RUNDC3B: variants seen among roughly 807,000 people sequenced by gnomAD.
RUNDC3B encodes RUN domain-containing protein 3B.
Under a neutral mutation model 58.4 loss-of-function variants are expected in RUNDC3B, and 33 were observed. The observed-to-expected ratio is 0.56, with a 90% CI of 0.43 to 0.75. The LOEUF (loss-of-function observed/expected upper bound fraction) is 0.75. Ranked by LOEUF, RUNDC3B falls within the 30% of genes least tolerant of loss-of-function variation. The probability of loss-of-function intolerance (pLI) is 0.00; values close to 1 mark genes in which losing one functional copy is unlikely to be tolerated. For missense variants in RUNDC3B, 501 were observed against 535.7 expected (o/e 0.94, Z 0.64); for synonymous variants, 193 against 195.2 (o/e 0.99, Z 0.10).
intron 2 of RUNDC3B, chr7:87,693,986 C>T (rs1273492495): frequency 3.1e-6 from 5 of 1,610,654 alleles, no homozygotes; most frequent in Non-Finnish European, 4.2e-6. Context: ...TGTCTCCCGC[C>T]ACTGAGCTGC....
At chr7:87,663,111 A>T in intron 2 of RUNDC3B, among the ~76,000 whole-genome samples, 1 of 152,090 alleles carries the variant, frequency 6.6e-6, no homozygotes, top group Non-Finnish European at 1.5e-5. Flanking sequence ...ACTTTACTGA[A>T]TTTGTTTATC....
chr7:87,663,393 A>C (rs1477021266), intron 2 of RUNDC3B, among the ~76,000 whole-genome samples: 1 of 151,142 alleles, frequency 6.6e-6, no homozygotes, highest in Non-Finnish European at 1.5e-5. Context: ...TTTTCTCTCT[A>C]TTTCCATCTA....
At chr7:87,735,879 C>T (rs1037229162) in intron 4 of RUNDC3B, among the ~76,000 whole-genome samples, 1 of 152,206 alleles carries the variant, frequency 6.6e-6, no homozygotes, top group Non-Finnish European at 1.5e-5. Context: ...AGACTATATG[C>T]TTCATAGAGA....
chr7:87,699,394 TTCAGAG>T (rs1415898155), intron 2 of RUNDC3B, among the ~76,000 whole-genome samples: 1 of 152,102 alleles, frequency 6.6e-6, no homozygotes, highest in Non-Finnish European at 1.5e-5. Flanking sequence ...GAGACTAATA[TTCAGAG>T]TCCTGTATAG....
At chr7:87,646,892 G>A (rs757085944) in intron 1 of RUNDC3B, among the ~76,000 whole-genome samples, 3 of 152,016 alleles carry the variant, frequency 2.0e-5, no homozygotes, top group Admixed American at 6.6e-5. Context: ...TTGACTATCC[G>A]TTAGGTACAA....
At chr7:87,672,078 G>A (rs1179220236) in intron 2 of RUNDC3B, among the ~76,000 whole-genome samples, 1 of 152,050 alleles carries the variant, frequency 6.6e-6, no homozygotes, top group Non-Finnish European at 1.5e-5. Context: ...CCAAAGATGG[G>A]AATGACTGAG....
intron 6 of RUNDC3B, among the ~76,000 whole-genome samples, chr7:87,762,413 T>C (rs1043574996): frequency 2.6e-5 from 4 of 151,452 alleles, no homozygotes; most frequent in African/African-American, 9.7e-5. Context: ...GAATTTTACA[T>C]CTATATGTGT....
At chr7:87,816,103 A>G in intron 9 of RUNDC3B, 38 bp from the exon 10 acceptor site, 1 of 1,464,346 alleles carries the variant, frequency 6.8e-7, no homozygotes. Context: ...TTTTTTTGTG[A>G]AAAGAAATTC....
chr7:87,662,414 G>T (rs1458133981), intron 2 of RUNDC3B, among the ~76,000 whole-genome samples: 3 of 151,974 alleles, frequency 2.0e-5, no homozygotes, highest in African/African-American at 7.2e-5. Flanking sequence ...AATCCATTTT[G>T]ATTTGATTTT....
intron 2 of RUNDC3B, among the ~76,000 whole-genome samples, chr7:87,659,478 C>G (rs1271031760): frequency 6.6e-6 from 1 of 151,992 alleles, no homozygotes; most frequent in Non-Finnish European, 1.5e-5. Flanking sequence ...CTTTATGTCC[C>G]TTTATTCTAC....
intron 2 of RUNDC3B, among the ~76,000 whole-genome samples, chr7:87,665,938 G>T (rs1483209157): frequency 6.6e-6 from 1 of 151,694 alleles, no homozygotes; most frequent in Non-Finnish European, 1.5e-5. Flanking sequence ...TAGTGCTACA[G>T]TGAACATACG....
At chr7:87,650,059 G>A (rs532852275) in intron 1 of RUNDC3B, among the ~76,000 whole-genome samples, 62 of 152,236 alleles carry the variant, frequency 4.1e-4, no homozygotes, top group Non-Finnish European at 7.4e-4. Flanking sequence ...TAATACAGAC[G>A]TATTCTTCTC....
intron 6 of RUNDC3B, among the ~76,000 whole-genome samples, chr7:87,753,784 T>C (rs1449285722): frequency 6.6e-6 from 1 of 152,184 alleles, no homozygotes; most frequent in African/African-American, 2.4e-5. Context: ...CCTGGAAATG[T>C]ATGCTAGTCT....
At chr7:87,783,483 G>A (rs1835047500) in intron 8 of RUNDC3B, among the ~76,000 whole-genome samples, 1 of 151,930 alleles carries the variant, frequency 6.6e-6, no homozygotes, top group African/African-American at 2.4e-5. Flanking sequence ...TTTTAAGTGG[G>A]GCATTTAGAC....
At chr7:87,691,586 C>A (rs1183444545) in intron 2 of RUNDC3B, among the ~76,000 whole-genome samples, 2 of 152,154 alleles carry the variant, frequency 1.3e-5, no homozygotes, top group African/African-American at 2.4e-5. Flanking sequence ...TACAAACAAG[C>A]CCTGGGCCAC....
intron 6 of RUNDC3B, among the ~76,000 whole-genome samples, chr7:87,747,429 G>A (rs990169718): frequency 2.6e-5 from 4 of 152,192 alleles, no homozygotes; most frequent in Admixed American, 2.6e-4. Flanking sequence ...TAGCTTTGGT[G>A]GTTTAATGCT....
At chr7:87,711,475 T>G (rs1309061108) in intron 4 of RUNDC3B, among the ~76,000 whole-genome samples, 1 of 152,096 alleles carries the variant, frequency 6.6e-6, no homozygotes, top group Non-Finnish European at 1.5e-5. Flanking sequence ...AATAGGACTT[T>G]GTTGATTTTT....
chr7:87,808,437 A>T (rs1002271212), intron 9 of RUNDC3B, among the ~76,000 whole-genome samples: 10 of 152,220 alleles, frequency 6.6e-5, no homozygotes, highest in African/African-American at 1.9e-4. Flanking sequence ...ATATTTTAGT[A>T]CAAACAATTT....
chr7:87,725,065 A>G (rs764095152), intron 4 of RUNDC3B, among the ~76,000 whole-genome samples: 27 of 152,148 alleles, frequency 1.8e-4, no homozygotes, highest in Non-Finnish European at 3.1e-4. Context: ...TAAGCCCTTG[A>G]AGTAAATATT....
Sources: allele counts gnomAD v4.1 joint callset (sites outside exome capture counted in the v4.1 genomes callset), GRCh38; gene constraint gnomAD v4.1.1; transcripts MANE v1.5; gene names NCBI Gene and HGNC (gene_info 2026-07-23, HGNC 2026-07-21).